GPR158: variants seen among roughly 807,000 people sequenced by gnomAD.
The protein encoded by GPR158 is metabotropic glycine receptor.
A neutral mutation model predicts 78.2 loss-of-function variants in GPR158; 30 were observed. The ratio of observed to expected loss-of-function variants is 0.38; its 90% CI spans 0.29 to 0.52. GPR158 has a LOEUF of 0.52. Ranked by LOEUF, GPR158 falls within the 20% of genes least tolerant of loss-of-function variation. GPR158 has a pLI of 0.83. For missense variants in GPR158, 1,463 were observed against 1,523.5 expected (o/e 0.96, Z 0.66); for synonymous variants, 581 against 591.1 (o/e 0.98, Z 0.25).
At chr10:25,339,333 A>T (rs935921587) in intron 2 of GPR158, among the ~76,000 whole-genome samples, 1 of 152,098 alleles carries the variant, frequency 6.6e-6, no homozygotes, top group Non-Finnish European at 1.5e-5. Flanking sequence ...TATCTTTAAA[A>T]TTTTAATTTT....
At chr10:25,265,238 C>T (rs375833328) in intron 2 of GPR158, among the ~76,000 whole-genome samples, 10 of 152,254 alleles carry the variant, frequency 6.6e-5, no homozygotes, top group East Asian at 1.9e-4. Flanking sequence ...CAACAGACAA[C>T]GGGCTGTGAA....
At chr10:25,308,445 A>G (rs1011026522) in intron 2 of GPR158, among the ~76,000 whole-genome samples, 23 of 151,848 alleles carry the variant, frequency 1.5e-4, no homozygotes, top group African/African-American at 5.3e-4. Context: ...CTGTCTTTTT[A>G]TGTGGTTATG....
chr10:25,209,588 T>C (rs1264696245), intron 1 of GPR158, among the ~76,000 whole-genome samples: 1 of 152,234 alleles, frequency 6.6e-6, no homozygotes, highest in East Asian at 1.9e-4. Flanking sequence ...TTAAAATCTA[T>C]TTTATAACTG....
intron 2 of GPR158, among the ~76,000 whole-genome samples, chr10:25,387,016 G>A (rs924291204): frequency 9.9e-5 from 15 of 152,106 alleles, no homozygotes; most frequent in South Asian, 2.1e-4. Context: ...ACTATGTTTC[G>A]TGAAAGTGGA....
At chr10:25,226,080 A>G (rs770522253) in intron 2 of GPR158, among the ~76,000 whole-genome samples, 1 of 151,202 alleles carries the variant, frequency 6.6e-6, no homozygotes, top group African/African-American at 2.4e-5. Context: ...TGTGGCTGCT[A>G]TCTCACCATT....
intron 4 of GPR158, among the ~76,000 whole-genome samples, chr10:25,441,433 T>C (rs1835066716): frequency 6.6e-6 from 1 of 152,266 alleles, no homozygotes; most frequent in South Asian, 2.1e-4. Context: ...AGACTCTGGC[T>C]GTCCTATTTA....
chr10:25,183,876 G>A (rs1852646829), intron 1 of GPR158, among the ~76,000 whole-genome samples: 1 of 152,216 alleles, frequency 6.6e-6, no homozygotes, highest in Non-Finnish European at 1.5e-5. Context: ...TGGTATGATA[G>A]TAAAGAATTA....
intron 6 of GPR158, among the ~76,000 whole-genome samples, chr10:25,570,845 AGGAGGT>A (rs1836996277): frequency 6.6e-6 from 1 of 152,146 alleles, no homozygotes; most frequent in Non-Finnish European, 1.5e-5. Context: ...GCTTGAACCC[AGGAGGT>A]GGAGGTTGCA....
intron 5 of GPR158, among the ~76,000 whole-genome samples, chr10:25,497,744 A>T (rs981467122): frequency 6.6e-6 from 1 of 152,194 alleles, no homozygotes; most frequent in African/African-American, 2.4e-5. Flanking sequence ...GGAGTTTAAG[A>T]TCTAAAGGGA....
At chr10:25,333,256 G>A (rs1855153503) in intron 2 of GPR158, among the ~76,000 whole-genome samples, 1 of 152,182 alleles carries the variant, frequency 6.6e-6, no homozygotes, top group Non-Finnish European at 1.5e-5. Flanking sequence ...CTGCAGGCAA[G>A]CAGGAGCACA....
chr10:25,445,986 T>A (rs78516886), intron 4 of GPR158, among the ~76,000 whole-genome samples: 1,798 of 151,954 alleles, frequency 0.012, 40 homozygotes, highest in African/African-American at 0.042. Flanking sequence ...GAACCAGAGA[T>A]AGATTTGAGT....
chr10:25,565,085 A>G (rs201880629), intron 6 of GPR158, among the ~76,000 whole-genome samples: 1 of 152,220 alleles, frequency 6.6e-6, no homozygotes, highest in East Asian at 1.9e-4. Context: ...AAATTCTTCC[A>G]AATTCCATTT....
At chr10:25,483,620 A>G (rs1413244724) in intron 5 of GPR158, among the ~76,000 whole-genome samples, 1 of 152,146 alleles carries the variant, frequency 6.6e-6, no homozygotes, top group Non-Finnish European at 1.5e-5. Context: ...AATTCTCAAG[A>G]CAAAAATTTG....
intron 6 of GPR158, among the ~76,000 whole-genome samples, chr10:25,559,915 A>G (rs1462912423): frequency 6.6e-6 from 1 of 152,216 alleles, no homozygotes; most frequent in Non-Finnish European, 1.5e-5. Context: ...GTGGTGTGGA[A>G]GACACTTTGG....
At chr10:25,445,670 G>T (rs1835130263) in intron 4 of GPR158, among the ~76,000 whole-genome samples, 1 of 152,070 alleles carries the variant, frequency 6.6e-6, no homozygotes. Flanking sequence ...AGGGGTGGAA[G>T]AAAGGGGGTA....
intron 1 of GPR158, among the ~76,000 whole-genome samples, chr10:25,204,195 G>A (rs1852981577): frequency 6.6e-6 from 1 of 152,158 alleles, no homozygotes; most frequent in South Asian, 2.1e-4. Flanking sequence ...CATGTCATCT[G>A]CAAACAAAGA....
At chr10:25,392,600 C>G (rs1011209428) in intron 2 of GPR158, among the ~76,000 whole-genome samples, 10 of 152,142 alleles carry the variant, frequency 6.6e-5, no homozygotes, top group African/African-American at 2.4e-4. Flanking sequence ...ACAAGTGCTA[C>G]TTAACAAGCA....
At chr10:25,466,428 A>C (rs890007654) in intron 4 of GPR158, 1 of 416,150 alleles carries the variant, frequency 2.4e-6, no homozygotes, top group East Asian at 3.6e-5. Context: ...ACAAAATCTC[A>C]TGCAGCCACT....
chr10:25,543,785 G>T (rs1836621882), intron 5 of GPR158, among the ~76,000 whole-genome samples: 1 of 152,096 alleles, frequency 6.6e-6, no homozygotes, highest in Non-Finnish European at 1.5e-5. Context: ...CATCTACCTT[G>T]CTACAAAAGA....
Sources: allele counts gnomAD v4.1 joint callset (sites outside exome capture counted in the v4.1 genomes callset), GRCh38; gene constraint gnomAD v4.1.1; transcripts MANE v1.5; gene names NCBI Gene and HGNC (gene_info 2026-07-23, HGNC 2026-07-21).